Variants in KHDRBS3 observed in about 807,000 individuals in gnomAD.
KHDRBS3 encodes KH domain-containing, RNA-binding, signal transduction-associated protein 3.
A neutral mutation model predicts 45.6 loss-of-function variants in KHDRBS3; 23 were observed. The ratio of observed to expected loss-of-function variants is 0.50; its 90% CI spans 0.36 to 0.72. The LOEUF is 0.72. Ranked by LOEUF, KHDRBS3 falls within the 30% of genes least tolerant of loss-of-function variation. The probability of loss-of-function intolerance (pLI) is 0.00; values close to 1 mark genes in which losing one functional copy is unlikely to be tolerated. For missense variants in KHDRBS3, 352 were observed against 424.8 expected (o/e 0.83, Z 1.51); for synonymous variants, 162 against 156.5 (o/e 1.04, Z -0.26).
At chr8:135,651,298 T>C (rs1441936768), downstream of KHDRBS3, among the ~76,000 whole-genome samples, 8 of 149,906 alleles carry the variant, frequency 5.3e-5, no homozygotes, top group African/African-American at 7.3e-5. Flanking sequence ...TCTATATATA[T>C]ATTTATATAT....
chr8:135,531,568 A>G (rs900056360), intron 2 of KHDRBS3, among the ~76,000 whole-genome samples: 1 of 152,196 alleles, frequency 6.6e-6, no homozygotes, highest in Non-Finnish European at 1.5e-5. Flanking sequence ...CAAATAATTC[A>G]TAATCTAATA....
chr8:135,614,175 A>C (rs978311708), intron 7 of KHDRBS3, among the ~76,000 whole-genome samples: 1 of 151,914 alleles, frequency 6.6e-6, no homozygotes, highest in Non-Finnish European at 1.5e-5. Context: ...AATATAAACT[A>C]TTCTTTACAA....
intron 2 of KHDRBS3, among the ~76,000 whole-genome samples, chr8:135,534,091 A>G (rs1825612774): frequency 1.3e-5 from 2 of 151,454 alleles, no homozygotes; most frequent in African/African-American, 2.4e-5. Flanking sequence ...TACTGTATCC[A>G]AACATTTTTT....
intron 5 of KHDRBS3, among the ~76,000 whole-genome samples, chr8:135,576,499 C>G (rs1404108079): frequency 6.6e-6 from 1 of 152,134 alleles, no homozygotes; most frequent in Non-Finnish European, 1.5e-5. Context: ...CTCAGATTGT[C>G]TCAGCTTTGG....
intron 6 of KHDRBS3, among the ~76,000 whole-genome samples, chr8:135,605,363 T>C (rs1829411359): frequency 2.0e-5 from 3 of 152,130 alleles, no homozygotes; most frequent in African/African-American, 7.2e-5. Context: ...TCTCCACTCA[T>C]CCATCTTCAA....
chr8:135,470,810 T>G (rs1282519089), intron 1 of KHDRBS3, among the ~76,000 whole-genome samples: 2 of 152,144 alleles, frequency 1.3e-5, no homozygotes, highest in African/African-American at 4.8e-5. Flanking sequence ...GGTCTTGAAC[T>G]CCTGAGCTCA....
chr8:135,478,057 A>G (rs145341453), intron 1 of KHDRBS3, among the ~76,000 whole-genome samples: 7 of 152,280 alleles, frequency 4.6e-5, no homozygotes, highest in Admixed American at 4.6e-4. Context: ...TGAGGGATCT[A>G]GGTTGCATGC....
intron 7 of KHDRBS3, among the ~76,000 whole-genome samples, chr8:135,630,621 T>C (rs554564478): frequency 1.4e-4 from 21 of 152,324 alleles, no homozygotes; most frequent in African/African-American, 4.6e-4. Flanking sequence ...GATAGCCTAA[T>C]GCACACCTAG....
At chr8:135,532,771 G>A (rs550143557) in intron 2 of KHDRBS3, among the ~76,000 whole-genome samples, 17 of 152,066 alleles carry the variant, frequency 1.1e-4, no homozygotes, top group Non-Finnish European at 2.4e-4. Context: ...ATGCTTTTAA[G>A]AAATTAAACT....
At chr8:135,557,300 T>G in intron 4 of KHDRBS3, 148 bp from the exon 5 acceptor site, 1 of 446,058 alleles carries the variant, frequency 2.2e-6, no homozygotes, top group Non-Finnish European at 3.8e-6. Flanking sequence ...TATTATCACA[T>G]TTTTATTTTA....
intron 6 of KHDRBS3, among the ~76,000 whole-genome samples, chr8:135,601,569 A>G (rs1829216425): frequency 6.6e-6 from 1 of 152,160 alleles, no homozygotes; most frequent in Non-Finnish European, 1.5e-5. Context: ...TGACATGTAG[A>G]CTGGGGCTTG....
intron 8 of KHDRBS3, among the ~76,000 whole-genome samples, chr8:135,645,851 G>A (rs1048708808): frequency 2.0e-5 from 3 of 152,178 alleles, no homozygotes; most frequent in African/African-American, 4.8e-5. Flanking sequence ...CCTGGTACCC[G>A]GTGCAAGTAT....
At chr8:135,533,881 T>G (rs1825602609) in intron 2 of KHDRBS3, among the ~76,000 whole-genome samples, 1 of 152,170 alleles carries the variant, frequency 6.6e-6, no homozygotes, top group Admixed American at 6.5e-5. Context: ...GCAAAATCAT[T>G]TAACACAAAG....
At chr8:135,473,615 A>G (rs1368151654) in intron 1 of KHDRBS3, among the ~76,000 whole-genome samples, 1 of 152,156 alleles carries the variant, frequency 6.6e-6, no homozygotes, top group Non-Finnish European at 1.5e-5. Flanking sequence ...GTGGCTTTGG[A>G]CAGGAGCAGG....
intron 2 of KHDRBS3, among the ~76,000 whole-genome samples, chr8:135,529,090 T>C (rs1054052485): frequency 5.9e-5 from 9 of 152,226 alleles, no homozygotes; most frequent in Admixed American, 2.6e-4. Flanking sequence ...CTTGGGCCTA[T>C]GATAAAGTAG....
At chr8:135,521,158 C>T in intron 1 of KHDRBS3, 79 bp from the exon 2 acceptor site, 3 of 786,562 alleles carry the variant, frequency 3.8e-6, no homozygotes, top group Non-Finnish European at 6.6e-6. Flanking sequence ...TGATTTCATG[C>T]CACTACAGAG....
chr8:135,458,145 A>C, intron 1 of KHDRBS3, 191 bp downstream of exon 1: 9 of 1,351,854 alleles, frequency 6.7e-6, no homozygotes, highest in Non-Finnish European at 7.6e-6. Flanking sequence ...CCCTGATGTG[A>C]ATTTTGGGGA....
intron 1 of KHDRBS3, among the ~76,000 whole-genome samples, chr8:135,507,635 A>AC (rs1824073755): frequency 6.6e-6 from 1 of 152,132 alleles, no homozygotes; most frequent in Admixed American, 6.5e-5. Flanking sequence ...CTTAAAGGAA[A>AC]CCCCCAGTGG....
At chr8:135,490,997 T>G (rs1372323693) in intron 1 of KHDRBS3, among the ~76,000 whole-genome samples, 1 of 152,224 alleles carries the variant, frequency 6.6e-6, no homozygotes, top group Non-Finnish European at 1.5e-5. Context: ...TTGCGTTTCT[T>G]TGGTAGTCAC....
Sources: allele counts gnomAD v4.1 joint callset (sites outside exome capture counted in the v4.1 genomes callset), GRCh38; gene constraint gnomAD v4.1.1; transcripts MANE v1.5; gene names NCBI Gene and HGNC (gene_info 2026-07-23, HGNC 2026-07-21).